VASN: variants seen among roughly 807,000 people sequenced by gnomAD.
VASN encodes protein slit-like 2.
VASN carries 5 observed loss-of-function variants against 4.8 expected under a neutral mutation model. That is an observed-to-expected ratio of 1.03 (90% CI 0.54 to 2.17). VASN has a LOEUF of 2.17. Among genes scored for constraint, VASN ranks in the 30% most tolerant of loss-of-function variants. The pLI is 0.01. For synonymous variants in VASN, 499 were observed against 460.8 expected (o/e 1.08, Z -1.06); for missense variants, 927 against 948.8 (o/e 0.98, Z 0.30).
chr16:4,381,093 T>G lies in VASN; in HGVS notation c.216T>G (p.Phe72Leu), dbSNP rs1463671307. Residue 72 changes from phenylalanine (F) to leucine (L), a missense_variant, in exon 2 of 2, where the codon TTT (phenylalanine) becomes TTG (leucine). Transcript: ENST00000304735. ...NGITMLDAGSFAGLPGLQLLD... is the reference protein window; with the variant it reads ...NGITMLDAGSLAGLPGLQLLD... ...TCACCATGCTCGACGCAGGCAGCTTTGCCGGCCTGCCGGGCCTGCAGCTCC... is the reference window on the plus strand; with the variant it reads ...TCACCATGCTCGACGCAGGCAGCTTGGCCGGCCTGCCGGGCCTGCAGCTCC... 1.2e-6 allele frequency: 2 copies of G among 1,608,010 alleles called. No homozygotes were observed. Among genetic ancestry groups the G allele is most frequent in the African/African-American group, 2.7e-5 (2 of 74,822 alleles).
Position 4,382,521 on chromosome 16 carries a change from G to A in VASN, c.1644G>A (p.Glu548=). The change falls in exon 2 of 2, where the codon GAG becomes GAA. Residue 548 remains glutamate, a synonymous_variant. Coordinates refer to ENST00000304735, the MANE Select transcript of VASN (RefSeq NM_138440.3). ...CCGGGCGGGTGCCGGAGGGCGAGGA[G>A]GCCTGCGGGGAGGCCCATACACCCC... ...LGPGRVPEGE[E]ACGEAHTPPA... is the part of the protein sequence containing the mutation. 6.3e-7 allele frequency: 1 copy of A among 1,592,972 alleles called. No homozygotes were observed. Among genetic ancestry groups the A allele is most frequent in the Non-Finnish European group, 8.5e-7 (1 of 1,170,484 alleles).
chr16:4,378,823 T>C (rs2054846094), intron 1 of VASN, among the ~76,000 whole-genome samples: 2 of 151,872 alleles, frequency 1.3e-5, no homozygotes, highest in Admixed American at 1.3e-4. Context: ...GGGACACCGC[T>C]AGGTTGGGGA....
Position 4,383,271 on chromosome 16 carries a change from G to A in VASN, c.*372G>A. On this transcript the variant is annotated 3_prime_UTR_variant, in exon 2 of 2. Transcript: ENST00000304735. ...GGCCAGTGAAGGAAGCTCCCGGAAA[G>A]AGCAGAGGGAGAGCGGGTAGGCGGC... 3.9e-6 allele frequency: 1 copy of A among 256,226 alleles called. No individual in the cohort carries two copies. Among genetic ancestry groups the A allele is most frequent in the East Asian group, 7.9e-5 (1 of 12,656 alleles). 15.9% of individuals were successfully genotyped at this position (256,226 alleles called of 1,614,324 possible). A position where few individuals can be genotyped will look rare whatever the true frequency, so the allele number is the denominator to read the frequency against.
intron 1 of VASN, among the ~76,000 whole-genome samples, chr16:4,378,668 G>C (rs2054840445): frequency 6.6e-6 from 1 of 152,044 alleles, no homozygotes; most frequent in South Asian, 2.1e-4. Flanking sequence ...CTGGGGTTTG[G>C]GGTGCTAACT....
Position 4,371,849 on chromosome 16 carries a change from A to C in VASN, c.-154A>C, listed in dbSNP as rs1008959599. 8 of 151,344 alleles carry C rather than the reference A, an allele frequency of 5.3e-5. No individual in the cohort carries two copies. Among genetic ancestry groups the C allele is most frequent in the African/African-American group, 1.9e-4 (8 of 41,076 alleles). The allele number at this position is 151,344 out of a possible 1,614,324, so 9.4% of individuals were successfully genotyped here. On this transcript the variant is annotated 5_prime_UTR_variant, in exon 1 of 2. Coordinates refer to ENST00000304735, the MANE Select transcript of VASN (RefSeq NM_138440.3). ...GGCGCGACCTGCCTCCAGCGAGCCGACTCCGGAGCCCGAGCCCGGGGCGGG... is the reference window on the plus strand; with the variant it reads ...GGCGCGACCTGCCTCCAGCGAGCCGCCTCCGGAGCCCGAGCCCGGGGCGGG...
intron 1 of VASN, among the ~76,000 whole-genome samples, chr16:4,375,953 G>A (rs142939299): frequency 5.1e-4 from 77 of 152,348 alleles, no homozygotes; most frequent in African/African-American, 1.5e-3. Flanking sequence ...GTCACAAAGC[G>A]TGTGAGTGCC....
In VASN at chr16:4,381,766, C is replaced by T. The variant is rs148092711; in HGVS notation, c.889C>T (p.Arg297Cys). The stretch of plus-strand genomic sequence containing the variant: ...CCGCCTGCGGCTGCTGGCAGCTGCC[C>T]GCAACCCCTTCAACTGCGTGTGCCC... ...FPRLRLLAAA[R>C]NPFNCVCPLS... Residue 297 changes from arginine to cysteine, a missense_variant, in exon 2 of 2, where the codon CGC (arginine) becomes TGC (cysteine). Physicochemically the swap from Arg to Cys is radical, Grantham distance 180. Coordinates refer to ENST00000304735, the MANE Select transcript of VASN (RefSeq NM_138440.3). 4.2e-3 allele frequency: 6,774 copies of T among 1,601,988 alleles called. 13 individuals are homozygous for T. Among genetic ancestry groups the T allele is most frequent in the Non-Finnish European group, 4.9e-3 (5,823 of 1,179,348 alleles).
rs1832363542 is a variant in VASN, at chr16:4,382,975, CG to C, written c.*77del. 1 of 1,409,798 alleles carries C rather than the reference CG, an allele frequency of 7.1e-7. No homozygotes were observed. The allele number at this position is 1,409,798 out of a possible 1,614,324, so 87.3% of individuals were successfully genotyped here. A position where few individuals can be genotyped will look rare whatever the true frequency, so the allele number is the denominator to read the frequency against. On this transcript the variant is annotated 3_prime_UTR_variant, in exon 2 of 2. Coordinates refer to ENST00000304735, the MANE Select transcript of VASN (RefSeq NM_138440.3). ...CCAGCCCCCTCCTGCTGCCACACCA[CG>C]TAAGTTCTCAGTCCCAACCTCGGGG... is the stretch of plus-strand genomic sequence containing the variant.
Position 4,381,941 on chromosome 16 carries a change from C to T in VASN, c.1064C>T (p.Thr355Ile). Residue 355 changes from threonine (T) to isoleucine (I), a missense_variant, in exon 2 of 2, where the codon ACA becomes ATA. By Grantham distance (89) the Thr-to-Ile change is moderately conservative. Transcript: ENST00000304735. ...TTTGGCTGCCCAGCCACCACCACCA[C>T]AGCCACAGTGCCCACCACGAGGCCC... is the stretch of plus-strand genomic sequence containing the variant. ...ADFGCPATTT[T>I]ATVPTTRPVV... 1 of 1,608,266 alleles carries T rather than the reference C, an allele frequency of 6.2e-7. No individual in the cohort carries two copies. Among genetic ancestry groups the T allele is most frequent in the Non-Finnish European group, 8.5e-7 (1 of 1,179,018 alleles).
rs2054948603 is a variant in VASN, at chr16:4,381,259, C to T, written c.382C>T (p.Arg128Cys). Residue 128 changes from arginine to cysteine, a missense_variant, in exon 2 of 2, where the codon CGC (arginine) becomes TGC (cysteine). Coordinates refer to ENST00000304735, the MANE Select transcript of VASN (RefSeq NM_138440.3). The stretch of plus-strand genomic sequence containing the variant: ...CTTCCGTGGCCTGCGGCGCCTCGAG[C>T]GCCTCTACCTGGGCAAGAACCGCAT... Reference protein sequence around the residue: ...ETFRGLRRLERLYLGKNRIRH... With the variant: ...ETFRGLRRLECLYLGKNRIRH... 5 of 1,611,674 alleles carry T rather than the reference C, an allele frequency of 3.1e-6. No homozygotes were observed. Among genetic ancestry groups the T allele is most frequent in the Admixed American group, 1.7e-5 (1 of 59,924 alleles).
At position 4,382,904 on chromosome 16, in the gene VASN, G is replaced by A. The variant is rs764588101; in HGVS notation, c.*5G>A. 1.5e-5 allele frequency: 22 copies of A among 1,500,172 alleles called. No homozygotes were observed. In the Admixed American group the frequency reaches 4.7e-4, roughly 32 times the overall value. 92.9% of individuals were successfully genotyped at this position (1,500,172 alleles called of 1,614,324 possible). On this transcript the variant is annotated 3_prime_UTR_variant, in exon 2 of 2. Coordinates refer to ENST00000304735, the MANE Select transcript of VASN (RefSeq NM_138440.3). ...CACGCAAAGCCCTACATCTAAGCCA[G>A]AGAGAGACAGGGCAGCTGGGGCCGG...
In VASN at chr16:4,382,561, A is replaced by G; in HGVS notation, c.1684A>G (p.Asn562Asp). 6.3e-7 allele frequency: 1 copy of G among 1,593,714 alleles called. No individual in the cohort carries two copies. Among genetic ancestry groups the G allele is most frequent in the African/African-American group, 1.3e-5 (1 of 74,542 alleles). Residue 562 changes from asparagine (N) to aspartate (D), a missense_variant, in exon 2 of 2, where the codon AAC becomes GAC. Physicochemically the swap from Asn to Asp is conservative, Grantham distance 23. Coordinates refer to ENST00000304735, the MANE Select transcript of VASN (RefSeq NM_138440.3). ...CCATACACCCCCAGCCGTCCACTCC[A>G]ACCACGCCCCAGTCACCCAGGCCCG... ...EAHTPPAVHS[N>D]HAPVTQAREG...
intron 1 of VASN, among the ~76,000 whole-genome samples, chr16:4,372,887 C>G (rs1235516078): frequency 6.6e-6 from 1 of 152,126 alleles, no homozygotes; most frequent in Non-Finnish European, 1.5e-5. Flanking sequence ...CCTTTTGCAC[C>G]AAGGACAGGT....
Position 4,382,022 on chromosome 16 carries a change from C to T in VASN, c.1145C>T (p.Pro382Leu). ...SSSLAPTWLSPTEPATEAPSP... is the reference protein window; with the variant it reads ...SSSLAPTWLSLTEPATEAPSP... Reference sequence around the variant, plus strand: ...AGCTTGGCTCCTACCTGGCTTAGCCCCACAGAGCCGGCCACTGAGGCCCCC... The same window carrying T: ...AGCTTGGCTCCTACCTGGCTTAGCCTCACAGAGCCGGCCACTGAGGCCCCC... Residue 382 changes from proline to leucine, a missense_variant, in exon 2 of 2, where the codon CCC becomes CTC. By Grantham distance (98) the Pro-to-Leu change is moderately conservative. Transcript: ENST00000304735. 6.2e-7 allele frequency: 1 copy of T among 1,603,098 alleles called. No individual in the cohort carries two copies. Among genetic ancestry groups the T allele is most frequent in the Non-Finnish European group, 8.5e-7 (1 of 1,176,568 alleles).
chr16:4,382,092 GC>G lies in VASN; in HGVS notation c.1219del (p.Gln407ArgfsTer58). 6.3e-7 allele frequency: 1 copy of G among 1,584,322 alleles called. No homozygotes were observed. ...CACCGACTGTAGGGCCTGTCCCCCAGCCCCAGGACTGCCCACCGTCCACCTG... is the reference window on the plus strand; with the variant it reads ...CACCGACTGTAGGGCCTGTCCCCCAGCCCAGGACTGCCCACCGTCCACCTG... ...APPTVGPVPQ[P>X]QDCPPSTCLN... On this transcript the variant is annotated frameshift_variant, in exon 2 of 2. Transcript: ENST00000304735. LOFTEE classifies it low-confidence loss of function (END_TRUNC).
At chr16:4,374,086 C>T (rs1455366417) in intron 1 of VASN, among the ~76,000 whole-genome samples, 8 of 148,702 alleles carry the variant, frequency 5.4e-5, no homozygotes, top group African/African-American at 1.2e-4. Context: ...GGAGGGTGCA[C>T]GTGTGTGTGT....
At chr16:4,374,918 C>G (rs1157893649) in intron 1 of VASN, among the ~76,000 whole-genome samples, 1 of 152,068 alleles carries the variant, frequency 6.6e-6, no homozygotes, top group Non-Finnish European at 1.5e-5. Context: ...TAGGGCCTTA[C>G]TAGATGGGTG....
Position 4,382,620 on chromosome 16 carries a change from C to T in VASN, c.1743C>T (p.Ala581=), listed in dbSNP as rs1159927949. 6 of 1,577,182 alleles carry T rather than the reference C, an allele frequency of 3.8e-6. No individual in the cohort carries two copies. The highest frequency in any genetic ancestry group is 3.5e-5 in the South Asian group (3 of 86,794). ...ACCTGCCGCTCCTCATTGCGCCCGC[C>T]CTGGCCGCGGTGCTCCTGGCCGCGC... ...EGNLPLLIAP[A]LAAVLLAALA... is the part of the protein sequence containing the mutation. Residue 581 remains alanine (A), a synonymous_variant, in exon 2 of 2, where the codon GCC becomes GCT. Transcript: ENST00000304735.
At position 4,378,640 on chromosome 16, in the gene VASN, C is replaced by T. The variant is rs971542424; in HGVS notation, c.-9-2229C>T. On this transcript the variant is annotated intron_variant, in intron 1 of 1. Transcript: ENST00000304735. ...ACGAGCCCCCCTGGGGTGGGCTGGC[C>T]GGGCCAGGGACGCGTGCCTGGGGTT... Among the ~76,000 whole-genome samples, 21 of 151,992 alleles carry T rather than the reference C, an allele frequency of 1.4e-4. No homozygotes were observed. The East Asian group carries it at 2.3e-3, about 17-fold the overall frequency.
Sources: gnomAD v4.1 joint callset for allele counts (sites outside exome capture counted in the v4.1 genomes callset) on GRCh38, gnomAD v4.1.1 for gene constraint, MANE v1.5 for transcripts, NCBI Gene and HGNC (gene_info 2026-07-23, HGNC 2026-07-21) for gene names.